Variants in ZNF91 observed in about 807,000 individuals in gnomAD.
ZNF91 encodes the protein zinc finger protein 91.
In ZNF91, 7 loss-of-function variants were observed where a neutral mutation model predicts 12.6. That is an observed-to-expected ratio of 0.55 (90% CI 0.31 to 1.04). ZNF91 has a LOEUF of 1.04. Among genes scored for constraint, ZNF91 ranks in the 50% least tolerant of loss-of-function variants. The pLI is 0.05. For missense variants in ZNF91, 1,217 were observed against 1,385.4 expected (o/e 0.88, Z 1.93); for synonymous variants, 453 against 462.6 (o/e 0.98, Z 0.27).
At position 23,395,392 on chromosome 19, in the gene ZNF91, CCA is replaced by C. The variant is rs748919167; in HGVS notation, c.-40_-39del. 2 of 1,612,064 alleles carry C rather than the reference CCA, an allele frequency of 1.2e-6. No individual in the cohort carries two copies. Among genetic ancestry groups the C allele is most frequent in the Non-Finnish European group, 1.7e-6 (2 of 1,178,988 alleles). On this transcript the variant is annotated 5_prime_UTR_variant, in exon 1 of 4. Transcript: ENST00000300619. ...TCTCCAATACCTGCAGGTCACAGGGCCACACAGGCTGGGCCTCCTGGAGCAGA... is the reference window on the plus strand; with the variant it reads ...TCTCCAATACCTGCAGGTCACAGGGCCACAGGCTGGGCCTCCTGGAGCAGA...
intron 1 of ZNF91, among the ~76,000 whole-genome samples, chr19:23,388,744 G>C (rs1035488324): frequency 6.6e-6 from 1 of 152,064 alleles, no homozygotes; most frequent in Non-Finnish European, 1.5e-5. Context: ...ATGGTGGTGG[G>C]CACCTGTAAT....
intron 1 of ZNF91, among the ~76,000 whole-genome samples, chr19:23,380,122 T>C (rs566580203): frequency 2.2e-4 from 33 of 151,634 alleles, no homozygotes; most frequent in Admixed American, 2.0e-3. Context: ...TTGCTGGGCA[T>C]GGTGGTGGGC....
At chr19:23,318,670 G>A (rs79825806) in intron 1 of ZNF91, among the ~76,000 whole-genome samples, 8 of 79,408 alleles carry the variant, frequency 1.0e-4, no homozygotes, top group African/African-American at 3.3e-4. Flanking sequence ...AGATTATCAC[G>A]TCTCTGATTC....
chr19:23,393,451 CA>C (rs1970135484), intron 1 of ZNF91, among the ~76,000 whole-genome samples: 1 of 152,156 alleles, frequency 6.6e-6, no homozygotes, highest in East Asian at 1.9e-4. Flanking sequence ...TATCCCCATA[CA>C]GTACTGAAAT....
chr19:23,324,702 C>G (rs1428996448), intron 1 of ZNF91: 1 of 152,042 alleles, frequency 6.6e-6, no homozygotes, highest in Non-Finnish European at 1.5e-5. Flanking sequence ...CTCACCCTCC[C>G]GAGTAGCTGG....
At position 23,374,620 on chromosome 19, in the gene ZNF91, T is replaced by C. The variant is rs779997244; in HGVS notation, c.157+18A>G. 5 of 1,594,344 alleles carry C rather than the reference T, an allele frequency of 3.1e-6. No individual in the cohort carries two copies. Among genetic ancestry groups the C allele is most frequent in the Middle Eastern group, 1.7e-4 (1 of 5,962 alleles). ...CCATTAGTTTATATTAGAAACTTAG[T>C]ATTAAAGTTTTCCTTACCCAGGAAG... On this transcript the variant is annotated intron_variant, in intron 2 of 3. Coordinates refer to ENST00000300619, the MANE Select transcript of ZNF91 (RefSeq NM_003430.4).
chr19:23,336,170 G>A (rs1399022165), downstream of ZNF91, among the ~76,000 whole-genome samples: 6 of 152,054 alleles, frequency 3.9e-5, no homozygotes, highest in Non-Finnish European at 7.4e-5. Context: ...ATAATGAAGT[G>A]GAATCACTTG....
chr19:23,392,144 C>T (rs550250231), intron 1 of ZNF91, among the ~76,000 whole-genome samples: 45 of 152,200 alleles, frequency 3.0e-4, no homozygotes, highest in Middle Eastern at 3.4e-3. Flanking sequence ...GCCTGTAATT[C>T]CAGCACGTTG....
chr19:23,361,484 A>G lies in ZNF91; in HGVS notation c.1495T>C (p.Phe499Leu). 6.2e-7 allele frequency: 1 copy of G among 1,613,648 alleles called. No homozygotes were observed. The highest frequency in any genetic ancestry group is 8.5e-7 in the Non-Finnish European group (1 of 1,179,868). Residue 499 changes from phenylalanine (F) to leucine (L), a missense_variant, in exon 4 of 4, where the codon TTT (phenylalanine) becomes CTT (leucine). Physicochemically the swap from Phe to Leu is conservative, Grantham distance 22. This residue lies in a region of ZNF91 where 726 missense variants were observed against 895.5 expected (regional missense o/e 0.81). Transcript: ENST00000300619. ...TTAGTAAGGGTTGAGGATTGCCTAA[A>G]AGCTTTGCCACATTCTTCACATTTG... Reference protein sequence around the residue: ...PYKCEECGKAFRQSSTLTKHK... With the variant: ...PYKCEECGKALRQSSTLTKHK...
intron 1 of ZNF91, among the ~76,000 whole-genome samples, chr19:23,377,336 A>C (rs1020235217): frequency 3.3e-5 from 5 of 152,236 alleles, no homozygotes; most frequent in African/African-American, 4.8e-5. Context: ...CATTAAACAG[A>C]AACTGTGAAA....
chr19:23,321,235 C>T (rs1328208176), intron 1 of ZNF91, among the ~76,000 whole-genome samples: 2 of 152,144 alleles, frequency 1.3e-5, no homozygotes, highest in African/African-American at 4.8e-5. Flanking sequence ...TACTGCTGGA[C>T]CCAGAACCTA....
At chr19:23,351,331 GA>G (rs200744779) in intron 3 of ZNF91, among the ~76,000 whole-genome samples, 169 of 93,264 alleles carry the variant, frequency 1.8e-3, no homozygotes, top group Admixed American at 1.9e-3. Context: ...CACAGAAAAA[GA>G]AAAAAAAAAA....
At chr19:23,307,444 T>C (rs394267) in intron 2 of ZNF91, 2 of 152,094 alleles carry the variant, frequency 1.3e-5, no homozygotes, top group African/African-American at 2.4e-5. Flanking sequence ...CCAGCATACA[T>C]GTTGTGTGAC....
At chr19:23,364,494 C>G in intron 3 of ZNF91, among the ~76,000 whole-genome samples, 1 of 151,176 alleles carries the variant, frequency 6.6e-6, no homozygotes, top group East Asian at 1.9e-4. Flanking sequence ...ATTTAGCTTG[C>G]AAGGTAAAAA....
At chr19:23,340,758 TA>T (rs1968106690) in intron 3 of ZNF91, among the ~76,000 whole-genome samples, 2 of 149,436 alleles carry the variant, frequency 1.3e-5, no homozygotes, top group South Asian at 2.1e-4. Context: ...ATTATTATTA[TA>T]AAAAATAGAC....
chr19:23,341,610 C>G (rs1466152005), intron 3 of ZNF91, among the ~76,000 whole-genome samples: 1 of 151,298 alleles, frequency 6.6e-6, no homozygotes, highest in African/African-American at 2.4e-5. Context: ...ATACAAATGA[C>G]CAATAGATAT....
At chr19:23,318,699 A>C (rs1278532310) in intron 1 of ZNF91, among the ~76,000 whole-genome samples, 1 of 151,892 alleles carries the variant, frequency 6.6e-6, no homozygotes, top group African/African-American at 2.4e-5. Flanking sequence ...AGGTGTTGTG[A>C]CTCTCCTTGT....
At chr19:23,394,441 A>C (rs1970164270) in intron 1 of ZNF91, among the ~76,000 whole-genome samples, 1 of 152,192 alleles carries the variant, frequency 6.6e-6, no homozygotes, top group Non-Finnish European at 1.5e-5. Context: ...GTAAAAATTA[A>C]GAAACTAGGC....
At chr19:23,347,777 C>T in intron 3 of ZNF91, among the ~76,000 whole-genome samples, 1 of 152,174 alleles carries the variant, frequency 6.6e-6, no homozygotes, top group East Asian at 1.9e-4. Flanking sequence ...CCCACAGTTC[C>T]CTTTGGCCAC....
Sources: gnomAD v4.1 joint callset for allele counts (sites outside exome capture counted in the v4.1 genomes callset) on GRCh38, gnomAD v4.1.1 for gene constraint, gnomAD v4.1.1 regional missense constraint, MANE v1.5 for transcripts, NCBI Gene and HGNC (gene_info 2026-07-23, HGNC 2026-07-21) for gene names.